Variants in KHDRBS3 observed in about 807,000 individuals in gnomAD.
KHDRBS3 encodes KH domain-containing, RNA-binding, signal transduction-associated protein 3.
Under a neutral mutation model 45.6 loss-of-function variants are expected in KHDRBS3, and 23 were observed. The observed-to-expected ratio is 0.50, with a 90% CI of 0.36 to 0.72. The LOEUF (loss-of-function observed/expected upper bound fraction) is 0.72. Among genes scored for constraint, KHDRBS3 ranks in the 30% least tolerant of loss-of-function variants. KHDRBS3 has a pLI of 0.00. For missense variants in KHDRBS3, 352 were observed against 424.8 expected, an observed-to-expected ratio of 0.83 and a Z score of 1.51; for synonymous variants, 162 against 156.5, an observed-to-expected ratio of 1.04 and a Z score of -0.26.
At chr8:135,504,963 T>C (rs1823915784) in intron 1 of KHDRBS3, among the ~76,000 whole-genome samples, 1 of 152,188 alleles carries the variant, frequency 6.6e-6, no homozygotes, top group Non-Finnish European at 1.5e-5. Context: ...TTCTCTGCTC[T>C]CAGCTCTTCA....
chr8:135,601,577 T>C (rs542510112), intron 6 of KHDRBS3, among the ~76,000 whole-genome samples: 3 of 152,306 alleles, frequency 2.0e-5, no homozygotes, highest in African/African-American at 7.2e-5. Context: ...AGACTGGGGC[T>C]TGTCACAATG....
rs1017036750 is a variant in KHDRBS3, at chr8:135,457,530, C to G, written c.-337C>G. 6.8e-6 allele frequency: 1 copy of G among 146,346 alleles called. No homozygotes were observed. Among genetic ancestry groups the G allele is most frequent in the Non-Finnish European group, 1.5e-5 (1 of 65,964 alleles). The allele number at this position is 146,346 out of a possible 1,614,324, so 9.1% of individuals were successfully genotyped here. ...TGCTGGCAGGTGCTGGCGGGACTGGCGGGGATCGCCGTGGACTGCCTCAGG... is the reference window on the plus strand; with the variant it reads ...TGCTGGCAGGTGCTGGCGGGACTGGGGGGGATCGCCGTGGACTGCCTCAGG... On this transcript the variant is annotated 5_prime_UTR_variant, in exon 1 of 9. Coordinates refer to ENST00000355849, the MANE Select transcript of KHDRBS3 (RefSeq NM_006558.3). This position sits in a 1 kb window ranked among gnomAD's most constrained non-coding sequence, Gnocchi z 4.4.
intron 7 of KHDRBS3, among the ~76,000 whole-genome samples, chr8:135,631,599 C>G (rs904542143): frequency 2.0e-5 from 3 of 152,136 alleles, no homozygotes; most frequent in Non-Finnish European, 2.9e-5. Flanking sequence ...ATGCATGAAG[C>G]TGTCATCTCC....
chr8:135,488,382 A>T (rs562187729), intron 1 of KHDRBS3, among the ~76,000 whole-genome samples: 2 of 152,256 alleles, frequency 1.3e-5, no homozygotes, highest in African/African-American at 4.8e-5. Flanking sequence ...TATTTATTTC[A>T]TTTACTGGGA....
At chr8:135,516,144 GGTAA>G (rs1824587210) in intron 1 of KHDRBS3, among the ~76,000 whole-genome samples, 1 of 152,104 alleles carries the variant, frequency 6.6e-6, no homozygotes, top group Non-Finnish European at 1.5e-5. Context: ...GTAACACAAT[GGTAA>G]GTATTTTGTG....
chr8:135,526,979 G>A (rs1025138087), intron 2 of KHDRBS3, among the ~76,000 whole-genome samples: 2 of 151,546 alleles, frequency 1.3e-5, no homozygotes, highest in African/African-American at 4.8e-5. Flanking sequence ...GCTGATCAGC[G>A]CCAGCTTGGA....
intron 5 of KHDRBS3, among the ~76,000 whole-genome samples, chr8:135,562,027 C>T (rs896739084): frequency 4.0e-5 from 6 of 151,636 alleles, no homozygotes; most frequent in African/African-American, 1.2e-4. Context: ...TTACAGTAAA[C>T]TAAGGGTAAT....
chr8:135,495,043 G>C (rs911119783), intron 1 of KHDRBS3, among the ~76,000 whole-genome samples: 5 of 152,176 alleles, frequency 3.3e-5, no homozygotes, highest in Admixed American at 6.5e-5. Context: ...TCCCCTAGTC[G>C]TGCTTGTGAG....
At chr8:135,634,894 T>A (rs1292964819) in intron 7 of KHDRBS3, among the ~76,000 whole-genome samples, 1 of 152,204 alleles carries the variant, frequency 6.6e-6, no homozygotes, top group Non-Finnish European at 1.5e-5. Context: ...AGCGTAATGC[T>A]CACTCTGCCG....
rs796226585 is a variant in KHDRBS3 at position 135,509,965 on chromosome 8, TC to T, written c.89-11263del. ...AACTTAGGTACATTGAAATTTTCTTTCCCCCCCCCTTTTTTTTTTTTTTTTT... is the reference window on the plus strand; with the variant it reads ...AACTTAGGTACATTGAAATTTTCTTTCCCCCCCCTTTTTTTTTTTTTTTTT... On this transcript the variant is annotated intron_variant, in intron 1 of 8. Coordinates refer to ENST00000355849, the MANE Select transcript of KHDRBS3 (RefSeq NM_006558.3). Among the ~76,000 whole-genome samples, 914 of 140,620 alleles carry T rather than the reference TC, an allele frequency of 6.5e-3. 27 individuals carry two copies. Among genetic ancestry groups the T allele is most frequent in the African/African-American group, 0.011 (407 of 37,800 alleles). The allele number at this position is 140,620 out of a possible 152,430, so 92.3% of individuals were successfully genotyped here.
chr8:135,551,197 A>G (rs1443816638), intron 4 of KHDRBS3, among the ~76,000 whole-genome samples: 1 of 152,136 alleles, frequency 6.6e-6, no homozygotes, highest in Admixed American at 6.5e-5. Context: ...GTGAATAAAG[A>G]CAACTTAACT....
At chr8:135,612,854 A>AACTCAC (rs1829761793) in intron 7 of KHDRBS3, among the ~76,000 whole-genome samples, 1 of 151,832 alleles carries the variant, frequency 6.6e-6, no homozygotes, top group African/African-American at 2.4e-5. Flanking sequence ...GGAAGTGTAA[A>AACTCAC]ACTCACACCA....
chr8:135,482,714 A>G (rs1159889645), intron 1 of KHDRBS3, among the ~76,000 whole-genome samples: 1 of 152,166 alleles, frequency 6.6e-6, no homozygotes, highest in Non-Finnish European at 1.5e-5. Context: ...TAGAATGGAT[A>G]TAAAATGGGC....
chr8:135,476,025 G>A (rs1162176223), intron 1 of KHDRBS3, among the ~76,000 whole-genome samples: 2 of 152,206 alleles, frequency 1.3e-5, no homozygotes, highest in Non-Finnish European at 1.5e-5. Context: ...TGGACAATCT[G>A]TGTAGTATTC....
At chr8:135,587,745 C>T (rs905631383) in intron 6 of KHDRBS3, among the ~76,000 whole-genome samples, 15 of 152,094 alleles carry the variant, frequency 9.9e-5, no homozygotes, top group African/African-American at 2.7e-4. Flanking sequence ...TGTGTCCTGG[C>T]GAGCCCAATT....
intron 7 of KHDRBS3, among the ~76,000 whole-genome samples, chr8:135,643,969 T>C (rs1831177815): frequency 6.6e-6 from 1 of 152,194 alleles, no homozygotes; most frequent in African/African-American, 2.4e-5. Context: ...CATTTTCCAT[T>C]TTGATTAGAA....
intron 1 of KHDRBS3, among the ~76,000 whole-genome samples, chr8:135,519,268 T>G (rs1274362711): frequency 6.6e-6 from 1 of 152,220 alleles, no homozygotes; most frequent in Non-Finnish European, 1.5e-5. Context: ...AATTCTTTGA[T>G]GCCAGCTGTG....
At chr8:135,556,505 A>G (rs1485199762) in intron 4 of KHDRBS3, among the ~76,000 whole-genome samples, 2 of 152,140 alleles carry the variant, frequency 1.3e-5, no homozygotes, top group Non-Finnish European at 2.9e-5. Context: ...ATTTTTTCAT[A>G]TAACTGTTGG....
At chr8:135,530,478 A>G (rs552278542) in intron 2 of KHDRBS3, among the ~76,000 whole-genome samples, 2 of 152,356 alleles carry the variant, frequency 1.3e-5, no homozygotes, top group African/African-American at 4.8e-5. Flanking sequence ...GACACATAAT[A>G]CAAAGGCAGA....
Sources: allele counts gnomAD v4.1 joint callset (sites outside exome capture counted in the v4.1 genomes callset), GRCh38; gene constraint gnomAD v4.1.1; non-coding constraint Gnocchi (gnomAD v3.1); transcripts MANE v1.5; gene names NCBI Gene and HGNC (gene_info 2026-07-23, HGNC 2026-07-21).